CSNK1D: variants seen among roughly 807,000 people sequenced by gnomAD.
The protein encoded by CSNK1D is casein kinase I isoform delta.
A neutral mutation model predicts 46.6 loss-of-function variants in CSNK1D; 16 were observed. The observed-to-expected ratio is 0.34, with a 90% CI of 0.23 to 0.52. CSNK1D has a LOEUF of 0.52. Ranked by LOEUF, CSNK1D falls within the 20% of genes least tolerant of loss-of-function variation. The pLI is 0.95. For synonymous variants in CSNK1D, 276 were observed against 228.2 expected (o/e 1.21, Z -1.89); for missense variants, 398 against 578.4 (o/e 0.69, Z 3.20).
chr17:82,267,809 G>C (rs1305306501), intron 1 of CSNK1D, among the ~76,000 whole-genome samples: 1 of 152,252 alleles, frequency 6.6e-6, no homozygotes, highest in African/African-American at 2.4e-5. Context: ...GCCTCGGACA[G>C]TACCGCCACC....
chr17:82,245,453 G>A (rs1295762921), intron 8 of CSNK1D: 1 of 212,656 alleles, frequency 4.7e-6, no homozygotes, highest in African/African-American at 2.3e-5. Context: ...CACAAAACAA[G>A]GACAGAGATA....
At position 82,244,148 on chromosome 17, in the gene CSNK1D, A is replaced by C. The variant is rs2050792194; in HGVS notation, c.*633T>G. The C allele has an allele frequency of 1.0e-6, 1 of 1,004,112 alleles. No individual in the cohort carries two copies. The highest frequency in any genetic ancestry group is 1.7e-5 in the African/African-American group (1 of 57,480). The allele number at this position is 1,004,112 out of a possible 1,614,324, so 62.2% of individuals were successfully genotyped here. ...TCCCACCACACACGGGCACACACACACACCACGGACTTTTGATGAGAAATC... is the reference window on the plus strand; with the variant it reads ...TCCCACCACACACGGGCACACACACCCACCACGGACTTTTGATGAGAAATC... On this transcript the variant is annotated 3_prime_UTR_variant, in exon 9 of 9. Coordinates refer to ENST00000314028, the MANE Select transcript of CSNK1D (RefSeq NM_001893.6).
chr17:82,250,357 C>G lies in CSNK1D; in HGVS notation c.886-755G>C, dbSNP rs1384800004. The G allele has an allele frequency of 1.1e-5, 5 of 455,454 alleles. No individual in the cohort carries two copies. The highest frequency in any genetic ancestry group is 2.0e-5 in the Non-Finnish European group (5 of 252,078). 28.2% of individuals were successfully genotyped at this position (455,454 alleles called of 1,614,324 possible). ...CGGCTGCAGCACCGTGCGGCCAGCA[C>G]CGCCCAGACTCCTCATGCTGCCATT... On this transcript the variant is annotated intron_variant, in intron 6 of 8. Coordinates refer to ENST00000314028, the MANE Select transcript of CSNK1D (RefSeq NM_001893.6). This position sits in a 1 kb window ranked among gnomAD's most constrained non-coding sequence, Gnocchi z 4.6.
In CSNK1D at chr17:82,265,740, T is replaced by C; in HGVS notation, c.133A>G (p.Lys45Glu). ...CTCTCAATGTGGAGCTGAGGGTGTT[T>C]GGTTTTGACACATTCAAGCTTGATG... ...VAIKLECVKT[K>E]HPQLHIESKI... Residue 45 changes from lysine (K) to glutamate (E), a missense_variant, in exon 2 of 9, where the codon AAA becomes GAA. Lys to Glu is a moderately conservative substitution (Grantham distance 56). Around this residue, in one of 2 missense-constraint regions of CSNK1D, gnomAD observed 217 missense variants for 370.3 expected, o/e 0.59. Coordinates refer to ENST00000314028, the MANE Select transcript of CSNK1D (RefSeq NM_001893.6). The C allele has an allele frequency of 6.2e-7, 1 of 1,614,220 alleles. No individual in the cohort carries two copies.
At chr17:82,247,135 A>T in intron 8 of CSNK1D, 1 of 985,436 alleles carries the variant, frequency 1.0e-6, no homozygotes, top group Non-Finnish European at 1.2e-6. Context: ...CTTCTTTTGG[A>T]GAGAACACAC....
chr17:82,253,390 G>A (rs999823155), intron 3 of CSNK1D, 146 bp from the exon 4 acceptor site: 31 of 742,782 alleles, frequency 4.2e-5, no homozygotes, highest in Admixed American at 2.2e-4. Context: ...GGGGGATGCC[G>A]AACTGACCAA....
intron 1 of CSNK1D, among the ~76,000 whole-genome samples, chr17:82,269,518 C>T (rs186697621): frequency 1.8e-4 from 28 of 152,314 alleles, no homozygotes; most frequent in Admixed American, 1.0e-3. Flanking sequence ...AAAACGTGTG[C>T]TTCAGAGATG....
Position 82,252,707 on chromosome 17 carries a change from T to C in CSNK1D, c.566-103A>G. On this transcript the variant is annotated intron_variant, in intron 4 of 8. Coordinates refer to ENST00000314028, the MANE Select transcript of CSNK1D (RefSeq NM_001893.6). This position sits in a 1 kb window ranked among gnomAD's most constrained non-coding sequence, Gnocchi z 4.6. ...AGTGGAGACTAGCCTCAGACACACATGCCCAGATCACTCCAGCTGGCACTT... is the reference window on the plus strand; with the variant it reads ...AGTGGAGACTAGCCTCAGACACACACGCCCAGATCACTCCAGCTGGCACTT... 2 of 1,193,704 alleles carry C rather than the reference T, an allele frequency of 1.7e-6. No homozygotes were observed. Among genetic ancestry groups the C allele is most frequent in the South Asian group, 1.3e-5 (1 of 77,510 alleles). 73.9% of individuals were successfully genotyped at this position (1,193,704 alleles called of 1,614,324 possible).
In CSNK1D at chr17:82,250,151, G is replaced by A. The variant is rs1282429634; in HGVS notation, c.886-549C>T. ...CACTATCCAGATGCACGGGGGTGGG[G>A]AGGTCAGATTTTAAGCCGAGACAGC... On this transcript the variant is annotated intron_variant, in intron 6 of 8. Coordinates refer to ENST00000314028, the MANE Select transcript of CSNK1D (RefSeq NM_001893.6). This position sits in a 1 kb window ranked among gnomAD's most constrained non-coding sequence, Gnocchi z 4.6. 2.3e-6 allele frequency: 3 copies of A among 1,290,260 alleles called. No individual in the cohort carries two copies. The highest frequency in any genetic ancestry group is 3.0e-6 in the Non-Finnish European group (3 of 989,172). The allele number at this position is 1,290,260 out of a possible 1,614,324, so 79.9% of individuals were successfully genotyped here.
chr17:82,251,023 C>G lies in CSNK1D; in HGVS notation c.885+356G>C, dbSNP rs772317500. The G allele has an allele frequency of 2.0e-5, 7 of 354,080 alleles. No homozygotes were observed. The East Asian group carries it at 5.1e-4, about 26-fold the overall frequency. The allele number at this position is 354,080 out of a possible 1,614,324, so 21.9% of individuals were successfully genotyped here. ...AACCCCACTCATCTCGTGGGCACCA[C>G]GACCATGTGGCACAGCGAATGGGAA... On this transcript the variant is annotated intron_variant, in intron 6 of 8. Coordinates refer to ENST00000314028, the MANE Select transcript of CSNK1D (RefSeq NM_001893.6). The surrounding 1 kb of genome is among the most constrained non-coding windows in gnomAD (Gnocchi z 4.5).
At chr17:82,241,732 C>T (rs985489881), downstream of CSNK1D, among the ~76,000 whole-genome samples, 3 of 152,188 alleles carry the variant, frequency 2.0e-5, no homozygotes, top group Non-Finnish European at 2.9e-5. Flanking sequence ...AGGGAAGGCC[C>T]GGAAGCCAGC....
At position 82,248,938 on chromosome 17, in the gene CSNK1D, G is replaced by C. The variant is rs143219400; in HGVS notation, c.1134C>G (p.Pro378=). 2 of 1,604,972 alleles carry C rather than the reference G, an allele frequency of 1.2e-6. No homozygotes were observed. The highest frequency in any genetic ancestry group is 2.2e-5 in the South Asian group (2 of 89,596). Reference sequence around the variant, plus strand: ...TGAGGTCGGACGAGGAGATGTTGACGGGGGCCCCGCGGTGCAGCCGCATAC... The same window carrying C: ...TGAGGTCGGACGAGGAGATGTTGACCGGGGCCCCGCGGTGCAGCCGCATAC... ...KVSMRLHRGA[P]VNISSSDLTG... is the part of the protein sequence containing the mutation. Residue 378 remains proline, a synonymous_variant, in exon 8 of 9, where the codon CCC becomes CCG. Transcript: ENST00000314028. The surrounding 1 kb of genome is among the most constrained non-coding windows in gnomAD (Gnocchi z 4.1).
chr17:82,268,293 T>C (rs2051531085), intron 1 of CSNK1D, among the ~76,000 whole-genome samples: 1 of 152,218 alleles, frequency 6.6e-6, no homozygotes, highest in Non-Finnish European at 1.5e-5. Flanking sequence ...TCAGACCCCC[T>C]GGCCTGCAGC....
downstream of CSNK1D, among the ~76,000 whole-genome samples, chr17:82,240,251 T>C (rs1447962613): frequency 1.3e-5 from 2 of 152,044 alleles, no homozygotes; most frequent in Non-Finnish European, 2.9e-5. Context: ...AAGGTCAGAC[T>C]CTGCACAGCT....
chr17:82,258,287 A>C (rs1190769182), intron 2 of CSNK1D, among the ~76,000 whole-genome samples: 1 of 150,030 alleles, frequency 6.7e-6, no homozygotes, highest in Non-Finnish European at 1.5e-5. Flanking sequence ...ATATATATGT[A>C]TATATTTATA....
intron 1 of CSNK1D, among the ~76,000 whole-genome samples, chr17:82,271,040 G>A (rs977647732): frequency 1.3e-5 from 2 of 152,204 alleles, no homozygotes; most frequent in Non-Finnish European, 2.9e-5. Context: ...GTTTGACAAG[G>A]TCTCAGATCA....
At chr17:82,256,510 CAAAAA>C (rs766836720) in intron 2 of CSNK1D, among the ~76,000 whole-genome samples, 1 of 79,604 alleles carries the variant, frequency 1.3e-5, no homozygotes, top group Non-Finnish European at 2.8e-5. Flanking sequence ...AAGACCCTGT[CAAAAA>C]AAAAAAAAAA....
chr17:82,269,633 C>G (rs911290686), intron 1 of CSNK1D, among the ~76,000 whole-genome samples: 1 of 152,230 alleles, frequency 6.6e-6, no homozygotes, highest in Admixed American at 6.5e-5. Flanking sequence ...GCGATGGGAT[C>G]AAGTACAGAT....
At chr17:82,257,756 T>C (rs1438919213) in intron 2 of CSNK1D, among the ~76,000 whole-genome samples, 1 of 152,232 alleles carries the variant, frequency 6.6e-6, no homozygotes, top group East Asian at 1.9e-4. Flanking sequence ...AGGAGGAGCC[T>C]GCAGAATGTG....
Sources: gnomAD v4.1 joint callset for allele counts (sites outside exome capture counted in the v4.1 genomes callset) on GRCh38, gnomAD v4.1.1 for gene constraint, gnomAD v4.1.1 regional missense constraint, Gnocchi (gnomAD v3.1) non-coding constraint, MANE v1.5 for transcripts, NCBI Gene and HGNC (gene_info 2026-07-23, HGNC 2026-07-21) for gene names.